Variants in PDZD2 observed in about 807,000 individuals in gnomAD.
PDZD2 encodes the protein PDZ domain containing 2, also known as PDZ domain-containing protein 2.
A neutral mutation model predicts 220.7 loss-of-function variants in PDZD2; 90 were observed. The observed-to-expected ratio is 0.41, with a 90% CI of 0.34 to 0.49. The LOEUF (loss-of-function observed/expected upper bound fraction) is 0.49, where lower values mean the gene tolerates loss of function less well. Among genes scored for constraint, PDZD2 ranks in the 20% least tolerant of loss-of-function variants. PDZD2 has a pLI of 0.28. For synonymous variants in PDZD2, 1,375 were observed against 1,450.5 expected (o/e 0.95, Z 1.18); for missense variants, 3,174 against 3,608.5 (o/e 0.88, Z 3.08).
At position 31,707,984 on chromosome 5, in the gene PDZD2, C is replaced by T. The variant is rs552163830; in HGVS notation, c.-361+68547C>T. ...AACCAATTCTGAGATGCTCCTTTTC[C>T]GTCCCAAAATATATGAGAGCTGTCT... is the stretch of plus-strand genomic sequence containing the variant. On this transcript the variant is annotated intron_variant, in intron 1 of 24. Coordinates refer to ENST00000438447, the MANE Select transcript of PDZD2 (RefSeq NM_178140.4). 1.1e-3 allele frequency among the ~76,000 whole-genome samples: 162 copies of T among 152,222 alleles called. 1 individual carries two copies. The highest frequency in any genetic ancestry group is 3.7e-3 in the African/African-American group (155 of 41,526).
chr5:31,993,949 T>C (rs1004624168), intron 3 of PDZD2, among the ~76,000 whole-genome samples: 13 of 152,108 alleles, frequency 8.5e-5, no homozygotes, highest in African/African-American at 2.9e-4. Context: ...TAAACCAAGG[T>C]GGAAAAGCTA....
chr5:31,734,301 G>GTCATTTTGT (rs1339038712), intron 1 of PDZD2, among the ~76,000 whole-genome samples: 11 of 152,034 alleles, frequency 7.2e-5, no homozygotes, highest in Non-Finnish European at 1.0e-4. Flanking sequence ...TCCAGACCCT[G>GTCATTTTGT]TCATTTTGTT....
At position 32,073,827 on chromosome 5, in the gene PDZD2, A is replaced by C. The variant is rs925444046; in HGVS notation, c.2726-5A>C. ...ACTTGACTTTTCTGTCCCCACCTCCACCAGCTCACAAGGAGCCTGGAAAAC... is the reference window on the plus strand; with the variant it reads ...ACTTGACTTTTCTGTCCCCACCTCCCCCAGCTCACAAGGAGCCTGGAAAAC... On this transcript the variant is annotated splice_polypyrimidine_tract_variant and splice_region_variant and intron_variant, in intron 17 of 24. Coordinates refer to ENST00000438447, the MANE Select transcript of PDZD2 (RefSeq NM_178140.4). The C allele has an allele frequency of 6.3e-7, 1 of 1,595,044 alleles. No homozygotes were observed. The highest frequency in any genetic ancestry group is 8.5e-7 in the Non-Finnish European group (1 of 1,171,442).
chr5:31,659,869 C>T (rs536492682), intron 1 of PDZD2, among the ~76,000 whole-genome samples: 1 of 152,326 alleles, frequency 6.6e-6, no homozygotes, highest in South Asian at 2.1e-4. Context: ...AGCTGGGTGG[C>T]TTCAAATGCT....
intron 2 of PDZD2, among the ~76,000 whole-genome samples, chr5:31,884,790 C>T (rs1740289895): frequency 6.6e-6 from 1 of 151,924 alleles, no homozygotes; most frequent in African/African-American, 2.4e-5. Flanking sequence ...GTTTTGCCAT[C>T]CACCACCACT....
intron 12 of PDZD2, among the ~76,000 whole-genome samples, chr5:32,058,542 CAA>C (rs1739348132): frequency 6.6e-6 from 1 of 151,478 alleles, no homozygotes; most frequent in Admixed American, 6.6e-5. Flanking sequence ...GGCGTGGTGG[CAA>C]GCGCCTGTAA....
At chr5:31,949,780 A>T (rs1747013799) in intron 2 of PDZD2, among the ~76,000 whole-genome samples, 2 of 147,974 alleles carry the variant, frequency 1.4e-5, no homozygotes, top group African/African-American at 5.0e-5. Flanking sequence ...TCAAGCAATT[A>T]TCCTGCCTCA....
chr5:31,886,701 T>A (rs1298940520), intron 2 of PDZD2, among the ~76,000 whole-genome samples: 1 of 96,088 alleles, frequency 1.0e-5, no homozygotes, highest in Non-Finnish European at 1.8e-5. Flanking sequence ...TGTCTCTGTC[T>A]CTTTTTTTTT....
chr5:31,803,829 G>T (rs567564494), intron 2 of PDZD2, among the ~76,000 whole-genome samples: 56 of 151,954 alleles, frequency 3.7e-4, no homozygotes, highest in African/African-American at 1.3e-3. Context: ...TGAGCCCAGG[G>T]GTTCAAGACC....
Position 32,060,022 on chromosome 5 carries a change from C to G in PDZD2, c.2318+666C>G, listed in dbSNP as rs371076637. ...AATGTACGTGTATTGCACAAAGCAC[C>G]CTGTGCTAACAGTTTCATCTTTCTG... is the stretch of plus-strand genomic sequence containing the variant. On this transcript the variant is annotated intron_variant, in intron 13 of 24. Transcript: ENST00000438447. 3.3e-5 allele frequency among the ~76,000 whole-genome samples: 5 copies of G among 152,208 alleles called. No individual in the cohort carries two copies. In the East Asian group the frequency reaches 9.7e-4, roughly 29 times the overall value.
intron 9 of PDZD2, 82 bp downstream of exon 9, chr5:32,052,812 T>C: frequency 6.8e-7 from 1 of 1,468,098 alleles, no homozygotes; most frequent in Non-Finnish European, 9.4e-7. Context: ...TTATTTGTTT[T>C]TGTGTTTTTG....
chr5:31,707,307 AAATTAATT>A (rs34787186), intron 1 of PDZD2, among the ~76,000 whole-genome samples: 13 of 141,832 alleles, frequency 9.2e-5, no homozygotes, highest in African/African-American at 1.3e-4. Context: ...TTTAATAAAT[AAATTAATT>A]AATTAATTAA....
chr5:32,074,357 C>T lies in PDZD2; in HGVS notation c.3251C>T (p.Ala1084Val), dbSNP rs902512919. 3.7e-6 allele frequency: 6 copies of T among 1,614,072 alleles called. No homozygotes were observed. The highest frequency in any genetic ancestry group is 1.7e-5 in the Admixed American group (1 of 59,990). The change falls in exon 18 of 25, where the codon GCA becomes GTA. Residue 1084 changes from alanine to valine, a missense_variant. This residue lies in a region of PDZD2 where 1,861 missense variants were observed against 2,001.0 expected (regional missense o/e 0.93). Coordinates refer to ENST00000438447, the MANE Select transcript of PDZD2 (RefSeq NM_178140.4). ...AAGGAACTGTCAGGATCAAGTAGCG[C>T]ACCCAAATTGGAATACACAGTCCGT... ...WKKELSGSSS[A>V]PKLEYTVRTD...
Position 32,058,038 on chromosome 5 carries a change from C to T in PDZD2, c.2135C>T (p.Ser712Leu), listed in dbSNP as rs1168090487. 2 of 1,613,070 alleles carry T rather than the reference C, an allele frequency of 1.2e-6. No homozygotes were observed. Among genetic ancestry groups the T allele is most frequent in the Non-Finnish European group, 1.7e-6 (2 of 1,179,142 alleles). ...GGAGGTTCCGATGAAGGCAGTTCTT[C>T]ATCCCTGGGTCGGAAGACCCCTGGG... ...SAGGSDEGSS[S>L]SLGRKTPGPK... The change falls in exon 12 of 25, where the codon TCA becomes TTA. Residue 712 changes from serine to leucine, a missense_variant. By Grantham distance (145) the Ser-to-Leu change is moderately radical (BLOSUM62 -2). Coordinates refer to ENST00000438447, the MANE Select transcript of PDZD2 (RefSeq NM_178140.4).
rs114119400 is a variant in PDZD2 at position 32,007,863 on chromosome 5, C to T, written c.1255-2467C>T. On this transcript the variant is annotated intron_variant, in intron 5 of 24. Transcript: ENST00000438447. Reference sequence around the variant, plus strand: ...TGCTGCGGCATTTCCCCGGAGGGCTCTGGCTCCTGTGTGGTCCGCATTTGC... The same window carrying T: ...TGCTGCGGCATTTCCCCGGAGGGCTTTGGCTCCTGTGTGGTCCGCATTTGC... 3.3e-3 allele frequency among the ~76,000 whole-genome samples: 510 copies of T among 152,310 alleles called. 6 individuals are homozygous for T. Among genetic ancestry groups the T allele is most frequent in the African/African-American group, 0.012 (482 of 41,568 alleles).
At chr5:31,995,314 C>T (rs879317083) in intron 3 of PDZD2, among the ~76,000 whole-genome samples, 5 of 152,206 alleles carry the variant, frequency 3.3e-5, no homozygotes, top group Non-Finnish European at 7.3e-5. Context: ...ACATCGCAAG[C>T]ACTCAATAGC....
At chr5:31,870,920 A>T (rs1488026021) in intron 2 of PDZD2, among the ~76,000 whole-genome samples, 1 of 151,856 alleles carries the variant, frequency 6.6e-6, no homozygotes, top group Non-Finnish European at 1.5e-5. Flanking sequence ...CAAGTTAAGA[A>T]CCTTATTCAA....
At chr5:31,767,027 C>CTTTT (rs3032828) in intron 1 of PDZD2, among the ~76,000 whole-genome samples, 1 of 94,298 alleles carries the variant, frequency 1.1e-5, no homozygotes, top group African/African-American at 4.9e-5. Flanking sequence ...TGCACCCAGC[C>CTTTT]TTTTTTTTTT....
At chr5:31,671,824 T>C (rs924428526) in intron 1 of PDZD2, among the ~76,000 whole-genome samples, 1 of 152,234 alleles carries the variant, frequency 6.6e-6, no homozygotes, top group South Asian at 2.1e-4. Context: ...GAGTCTGTAG[T>C]TATGCGGTCA....
Sources: allele counts gnomAD v4.1 joint callset (sites outside exome capture counted in the v4.1 genomes callset), GRCh38; gene constraint gnomAD v4.1.1; regional missense constraint gnomAD v4.1.1; transcripts MANE v1.5; gene names NCBI Gene and HGNC (gene_info 2026-07-23, HGNC 2026-07-21).